USP48: variants seen among roughly 807,000 people sequenced by gnomAD.
USP48 encodes the protein ubiquitin specific peptidase 48, also known as ubiquitin carboxyl-terminal hydrolase 48.
In USP48, 43 loss-of-function variants were observed where a neutral mutation model predicts 150.7. The ratio of observed to expected loss-of-function variants is 0.29; its 90% confidence interval spans 0.22 to 0.37. USP48 has a LOEUF of 0.37. USP48 is among the 10% of genes least tolerant of loss of function. The pLI, the probability that USP48 is intolerant of heterozygous loss-of-function variation, is 1.00. For synonymous variants in USP48, 396 were observed against 425.9 expected (o/e 0.93, Z 0.86); for missense variants, 813 against 1,249.6 (o/e 0.65, Z 5.27).
intron 26 of USP48, 140 bp from the exon 27 acceptor site, chr1:21,679,579 T>C (rs2097559846): frequency 1.0e-6 from 1 of 1,000,384 alleles, no homozygotes; most frequent in African/African-American, 1.6e-5. Flanking sequence ...TGTGGGAGGA[T>C]AAGACAAAAT....
chr1:21,775,036 A>G (rs1299644529), intron 1 of USP48, among the ~76,000 whole-genome samples: 1 of 150,444 alleles, frequency 6.6e-6, no homozygotes, highest in African/African-American at 2.5e-5. Flanking sequence ...TAAATAAATA[A>G]GGCAGCTCTA....
At chr1:21,741,606 T>C (rs535016648) in intron 8 of USP48, among the ~76,000 whole-genome samples, 2 of 152,100 alleles carry the variant, frequency 1.3e-5, no homozygotes, top group African/African-American at 4.8e-5. Context: ...ACAAAGGAGG[T>C]GGGTAAACTA....
At chr1:21,706,256 A>G (rs2097672155) in intron 17 of USP48, 69 bp from the exon 18 acceptor site, 1 of 1,561,278 alleles carries the variant, frequency 6.4e-7, no homozygotes, top group Non-Finnish European at 8.7e-7. Flanking sequence ...TCCTTATAAT[A>G]TACTTTGGTT....
At chr1:21,762,458 T>C (rs148616667) in intron 1 of USP48, among the ~76,000 whole-genome samples, 11 of 152,304 alleles carry the variant, frequency 7.2e-5, no homozygotes, top group African/African-American at 2.6e-4. Context: ...GGTGAAAATA[T>C]ACCTCTAAAA....
chr1:21,685,355 T>C (rs896359409), intron 25 of USP48, among the ~76,000 whole-genome samples: 15 of 151,318 alleles, frequency 9.9e-5, no homozygotes. Flanking sequence ...AGATGGAGTC[T>C]GTCATCCAGG....
At chr1:21,763,940 C>T (rs1369647171) in intron 1 of USP48, among the ~76,000 whole-genome samples, 1 of 152,164 alleles carries the variant, frequency 6.6e-6, no homozygotes, top group Non-Finnish European at 1.5e-5. Flanking sequence ...AGCAGAATGC[C>T]AACCACAGAG....
chr1:21,695,943 T>C (rs778631430), intron 22 of USP48, among the ~76,000 whole-genome samples: 3 of 152,132 alleles, frequency 2.0e-5, no homozygotes, highest in Admixed American at 6.5e-5. Context: ...AATGGCAAAA[T>C]ATACAGACTC....
At chr1:21,684,723 T>C (rs895036891) in intron 25 of USP48, among the ~76,000 whole-genome samples, 3 of 152,216 alleles carry the variant, frequency 2.0e-5, no homozygotes, top group Admixed American at 2.0e-4. Context: ...TTTTAATATA[T>C]AGTGAGAGAC....
At chr1:21,715,498 G>T in intron 14 of USP48, 41 bp from the exon 15 acceptor site, 4 of 1,361,752 alleles carry the variant, frequency 2.9e-6, no homozygotes, top group Non-Finnish European at 3.1e-6. Context: ...TGTGGTTATT[G>T]TGTACTTAAA....
intron 9 of USP48, among the ~76,000 whole-genome samples, chr1:21,733,677 T>C (rs939591414): frequency 2.0e-5 from 3 of 152,184 alleles, no homozygotes; most frequent in African/African-American, 7.2e-5. Context: ...ACTACCCATA[T>C]ATAAGACAGC....
chr1:21,706,659 G>C, intron 16 of USP48, 70 bp from the exon 17 acceptor site: 1 of 1,611,984 alleles, frequency 6.2e-7, no homozygotes, highest in South Asian at 1.1e-5. Flanking sequence ...CTACACCCCC[G>C]TCAGAAGTAC....
intron 26 of USP48, among the ~76,000 whole-genome samples, chr1:21,680,543 C>A (rs887325495): frequency 1.3e-5 from 2 of 152,142 alleles, no homozygotes; most frequent in African/African-American, 4.8e-5. Flanking sequence ...CCCAACCTCC[C>A]ATAAAATGAG....
At chr1:21,748,359 T>G (rs2097800638) in intron 6 of USP48, 88 bp from the exon 7 acceptor site, 1 of 1,256,462 alleles carries the variant, frequency 8.0e-7, no homozygotes. Context: ...TAATTTCATT[T>G]CAGTTAATAG....
At chr1:21,731,654 G>A (rs1169470897) in intron 9 of USP48, among the ~76,000 whole-genome samples, 1 of 151,070 alleles carries the variant, frequency 6.6e-6, no homozygotes, top group Non-Finnish European at 1.5e-5. Flanking sequence ...GCCGAGGCAG[G>A]TAGATCACCT....
intron 6 of USP48, among the ~76,000 whole-genome samples, chr1:21,750,875 T>A: frequency 7.3e-6 from 1 of 136,848 alleles, no homozygotes. Context: ...AGAGAGAAAC[T>A]CCATCTCAAA....
At chr1:21,752,045 A>C (rs2097816925) in intron 5 of USP48, among the ~76,000 whole-genome samples, 1 of 152,008 alleles carries the variant, frequency 6.6e-6, no homozygotes, top group Admixed American at 6.6e-5. Context: ...AAAAGAAATA[A>C]AAACAAAGTG....
intron 3 of USP48, among the ~76,000 whole-genome samples, chr1:21,753,341 C>T (rs2097821765): frequency 6.6e-6 from 1 of 151,552 alleles, no homozygotes; most frequent in African/African-American, 2.4e-5. Context: ...CACTTGAGAT[C>T]AGAAGCTTGA....
chr1:21,712,723 G>T (rs934634559), intron 15 of USP48, among the ~76,000 whole-genome samples: 30 of 151,376 alleles, frequency 2.0e-4, no homozygotes, highest in Non-Finnish European at 3.5e-4. Flanking sequence ...CCGCCTCCTG[G>T]GTTCAAGCAA....
intron 25 of USP48, among the ~76,000 whole-genome samples, chr1:21,684,852 G>A (rs1269533073): frequency 6.6e-6 from 1 of 152,144 alleles, no homozygotes; most frequent in Admixed American, 6.6e-5. Flanking sequence ...TTAGTTGGCT[G>A]TAAATACGTG....
Sources: allele counts gnomAD v4.1 joint callset (sites outside exome capture counted in the v4.1 genomes callset), GRCh38; gene constraint gnomAD v4.1.1; transcripts MANE v1.5; gene names NCBI Gene and HGNC (gene_info 2026-07-23, HGNC 2026-07-21).